EXOC4: variants seen among roughly 807,000 people sequenced by gnomAD.
EXOC4 encodes exocyst complex component 4.
Under a neutral mutation model 107.2 loss-of-function variants are expected in EXOC4, and 71 were observed. That is an observed-to-expected ratio of 0.66 (90% CI 0.55 to 0.81). EXOC4 has a LOEUF of 0.81. Ranked by LOEUF, EXOC4 falls within the 30% of genes least tolerant of loss-of-function variation. The probability of loss-of-function intolerance (pLI) is 0.00; values close to 1 mark genes in which losing one functional copy is unlikely to be tolerated. For missense variants in EXOC4, 1,108 were observed against 1,189.6 expected, an observed-to-expected ratio of 0.93 and a Z score of 1.01; for synonymous variants, 456 against 441.2, an observed-to-expected ratio of 1.03 and a Z score of -0.42.
chr7:133,432,068 A>G (rs1270193383), intron 7 of EXOC4, among the ~76,000 whole-genome samples: 1 of 152,184 alleles, frequency 6.6e-6, no homozygotes, highest in Non-Finnish European at 1.5e-5. Flanking sequence ...GAGATACCCT[A>G]GGGAGGATCA....
At chr7:133,306,144 A>G (rs1472250781) in intron 4 of EXOC4, 83 bp downstream of exon 4, 2 of 1,205,532 alleles carry the variant, frequency 1.7e-6, no homozygotes, top group Non-Finnish European at 2.3e-6. Flanking sequence ...ATGTTGTTGT[A>G]ATTTATTTTA....
intron 11 of EXOC4, among the ~76,000 whole-genome samples, chr7:133,819,623 T>C (rs1797461503): frequency 6.6e-6 from 1 of 152,190 alleles, no homozygotes; most frequent in Admixed American, 6.5e-5. Flanking sequence ...TGTTTACTTT[T>C]ATGTGTTGTC....
chr7:133,446,617 A>G (rs929025478), intron 7 of EXOC4, among the ~76,000 whole-genome samples: 6 of 151,202 alleles, frequency 4.0e-5, no homozygotes, highest in African/African-American at 1.5e-4. Flanking sequence ...GCCATTAGAA[A>G]CTCCTAGTGA....
chr7:133,621,529 G>GCA (rs1817195239), intron 9 of EXOC4, among the ~76,000 whole-genome samples: 1 of 152,168 alleles, frequency 6.6e-6, no homozygotes, highest in Non-Finnish European at 1.5e-5. Context: ...GTAAGATACT[G>GCA]CACATACACG....
intron 11 of EXOC4, among the ~76,000 whole-genome samples, chr7:133,868,590 C>T (rs936161968): frequency 6.6e-6 from 1 of 152,062 alleles, no homozygotes; most frequent in African/African-American, 2.4e-5. Context: ...CTTTTATGAA[C>T]CACTCCCTCC....
chr7:133,397,923 G>A (rs1797008412), intron 7 of EXOC4, among the ~76,000 whole-genome samples: 1 of 152,166 alleles, frequency 6.6e-6, no homozygotes, highest in African/African-American at 2.4e-5. Context: ...GAAATTTGGA[G>A]AGGTTAAGTG....
intron 10 of EXOC4, chr7:133,727,638 G>T: frequency 6.3e-6 from 1 of 159,124 alleles, no homozygotes; most frequent in South Asian, 1.9e-4. Context: ...CTATCACTAG[G>T]AGCACAACCT....
At chr7:133,903,784 G>A (rs1799507269) in intron 12 of EXOC4, among the ~76,000 whole-genome samples, 2 of 152,202 alleles carry the variant, frequency 1.3e-5, no homozygotes, top group African/African-American at 4.8e-5. Context: ...TCACAGGAGG[G>A]AGTATACTCA....
intron 7 of EXOC4, among the ~76,000 whole-genome samples, chr7:133,456,021 G>A (rs1228370815): frequency 6.6e-6 from 1 of 152,196 alleles, no homozygotes; most frequent in African/African-American, 2.4e-5. Flanking sequence ...AAGCCAGAAT[G>A]TCTTTGGTTG....
intron 16 of EXOC4, 136 bp downstream of exon 16, chr7:134,005,226 A>G (rs1313304300): frequency 3.7e-6 from 3 of 814,804 alleles, no homozygotes; most frequent in Non-Finnish European, 3.9e-6. Context: ...TAAATCTGCA[A>G]TACCTAGCCT....
intron 9 of EXOC4, among the ~76,000 whole-genome samples, chr7:133,493,468 C>A (rs1584957228): frequency 6.6e-6 from 1 of 152,264 alleles, no homozygotes; most frequent in East Asian, 1.9e-4. Context: ...CTGTGCCTGG[C>A]ACATATTAAG....
At chr7:133,748,861 A>G (rs886194343) in intron 10 of EXOC4, among the ~76,000 whole-genome samples, 4 of 152,230 alleles carry the variant, frequency 2.6e-5, no homozygotes, top group African/African-American at 7.2e-5. Flanking sequence ...TGTTATTTGC[A>G]CAGTCTAGCA....
Position 133,424,612 on chromosome 7 carries a change from T to C in EXOC4, c.1182+49610T>C, listed in dbSNP as rs148187287. 9.4e-4 allele frequency among the ~76,000 whole-genome samples: 143 copies of C among 152,348 alleles called. 2 individuals are homozygous for C. The Middle Eastern group carries it at 0.017, about 18-fold the overall frequency. ...TAACTACTCAATGAATAAATGAATA[T>C]TTCTCATAACCTTGTACCCTACAAG... On this transcript the variant is annotated intron_variant, in intron 7 of 17. Transcript: ENST00000253861.
chr7:133,998,277 A>C (rs1240415057), intron 15 of EXOC4, among the ~76,000 whole-genome samples: 1 of 152,210 alleles, frequency 6.6e-6, no homozygotes, highest in Non-Finnish European at 1.5e-5. Flanking sequence ...TACTTACAGC[A>C]CATCACAATT....
chr7:133,611,450 A>T (rs1336491726), intron 9 of EXOC4, among the ~76,000 whole-genome samples: 1 of 152,184 alleles, frequency 6.6e-6, no homozygotes, highest in African/African-American at 2.4e-5. Flanking sequence ...TGACATTTTC[A>T]TTGTGTCACT....
intron 12 of EXOC4, among the ~76,000 whole-genome samples, chr7:133,898,223 T>TA (rs1486429037): frequency 2.0e-5 from 3 of 151,826 alleles, no homozygotes; most frequent in Non-Finnish European, 4.4e-5. Flanking sequence ...AAATGCAGGC[T>TA]AAAAAAATTA....
chr7:133,655,011 G>A (rs922217065), intron 10 of EXOC4, among the ~76,000 whole-genome samples: 1 of 152,112 alleles, frequency 6.6e-6, no homozygotes, highest in Non-Finnish European at 1.5e-5. Context: ...GACTAAAGTT[G>A]CTCTGGGTGA....
chr7:133,857,244 CAT>C (rs1222894526), intron 11 of EXOC4, among the ~76,000 whole-genome samples: 1,001 of 6,536 alleles, frequency 0.15, 334 homozygotes, highest in South Asian at 0.52. Flanking sequence ...CTTAGTGTCA[CAT>C]ATATATATAT....
intron 13 of EXOC4, among the ~76,000 whole-genome samples, chr7:133,937,423 A>C (rs2116726739): frequency 6.6e-6 from 1 of 152,336 alleles, no homozygotes. Context: ...TCTTTTAAAG[A>C]GGCTGGATCG....
Sources: gnomAD v4.1 joint callset for allele counts (sites outside exome capture counted in the v4.1 genomes callset) on GRCh38, gnomAD v4.1.1 for gene constraint, MANE v1.5 for transcripts, NCBI Gene and HGNC (gene_info 2026-07-23, HGNC 2026-07-21) for gene names.